The following PCDH7 variants were observed in gnomAD, a reference collection of about 807,000 sequenced individuals.
The protein encoded by PCDH7 is protocadherin-7.
In PCDH7, 17 loss-of-function variants were observed where a neutral mutation model predicts 58.9. The ratio of observed to expected loss-of-function variants is 0.29; its 90% CI spans 0.20 to 0.43. PCDH7 has a LOEUF of 0.43. PCDH7 is among the 20% of genes least tolerant of loss of function. PCDH7 has a pLI of 1.00. For synonymous variants in PCDH7, 664 were observed against 616.4 expected (o/e 1.08, Z -1.14); for missense variants, 1,274 against 1,441.0 (o/e 0.88, Z 1.88).
chr4:31,068,249 G>A (rs1758248682), intron 3 of PCDH7, among the ~76,000 whole-genome samples: 1 of 151,138 alleles, frequency 6.6e-6, no homozygotes, highest in Non-Finnish European at 1.5e-5. Context: ...GCATGGAGTA[G>A]ATGGGAAATC....
chr4:30,738,438 T>C (rs1716611536), intron 1 of PCDH7, among the ~76,000 whole-genome samples: 1 of 151,644 alleles, frequency 6.6e-6, no homozygotes, highest in Non-Finnish European at 1.5e-5. Flanking sequence ...TTGTGAAAAA[T>C]ATATGAATCT....
chr4:31,135,123 C>A lies in PCDH7; in HGVS notation c.*8-7350C>A, dbSNP rs555377444. 5.9e-5 allele frequency among the ~76,000 whole-genome samples: 9 copies of A among 152,152 alleles called. No individual in the cohort carries two copies. The East Asian group carries it at 1.7e-3, about 29-fold the overall frequency. ...ATGTATGGTGCATTTTAGGTATTTACCCTGTGTTTAGGTTGTCTTGTCCTG... is the reference window on the plus strand; with the variant it reads ...ATGTATGGTGCATTTTAGGTATTTAACCTGTGTTTAGGTTGTCTTGTCCTG... On this transcript the variant is annotated intron_variant, in intron 3 of 3. Transcript: ENST00000509759.
downstream of PCDH7, among the ~76,000 whole-genome samples, chr4:30,736,333 A>G (rs905383136): frequency 1.3e-4 from 20 of 152,282 alleles, no homozygotes; most frequent in African/African-American, 4.1e-4. Context: ...GAGAGATAAT[A>G]TATTTCATTT....
chr4:31,139,077 T>C (rs1209228748), intron 3 of PCDH7, among the ~76,000 whole-genome samples: 1 of 152,134 alleles, frequency 6.6e-6, no homozygotes, highest in Non-Finnish European at 1.5e-5. Flanking sequence ...GCAATGATTC[T>C]AGTAAATAGC....
intron 1 of PCDH7, among the ~76,000 whole-genome samples, chr4:30,841,129 C>G (rs1731161864): frequency 6.6e-6 from 1 of 152,014 alleles, no homozygotes. Flanking sequence ...CTAATGTACT[C>G]TGTAAAAGAA....
At chr4:31,064,365 A>G (rs1363442638) in intron 3 of PCDH7, among the ~76,000 whole-genome samples, 4 of 151,946 alleles carry the variant, frequency 2.6e-5, no homozygotes, top group African/African-American at 9.7e-5. Context: ...GTATACATGG[A>G]GTAAGTTCTC....
At chr4:31,129,628 G>C (rs894488298) in intron 3 of PCDH7, among the ~76,000 whole-genome samples, 1 of 151,694 alleles carries the variant, frequency 6.6e-6, no homozygotes, top group Non-Finnish European at 1.5e-5. Flanking sequence ...TTTAAATTTT[G>C]TTATTATTAT....
intron 3 of PCDH7, among the ~76,000 whole-genome samples, chr4:31,139,162 C>A (rs937511210): frequency 3.3e-5 from 5 of 152,022 alleles, no homozygotes; most frequent in Non-Finnish European, 5.9e-5. Context: ...CATTTTTTTA[C>A]TTCCAGTCTT....
chr4:30,802,940 T>C (rs1242395197), intron 1 of PCDH7, among the ~76,000 whole-genome samples: 1 of 152,126 alleles, frequency 6.6e-6, no homozygotes, highest in Non-Finnish European at 1.5e-5. Context: ...ATGGTAGGAC[T>C]GATTTGGTAA....
intron 1 of PCDH7, among the ~76,000 whole-genome samples, chr4:30,766,354 G>C (rs548234069): frequency 6.6e-6 from 1 of 151,860 alleles, no homozygotes; most frequent in Non-Finnish European, 1.5e-5. Context: ...ACACAAGAAG[G>C]CTCCATCTAA....
At chr4:31,114,034 A>G (rs1265365811) in intron 3 of PCDH7, among the ~76,000 whole-genome samples, 3 of 151,914 alleles carry the variant, frequency 2.0e-5, no homozygotes, top group Non-Finnish European at 4.4e-5. Context: ...GGGTTTCACC[A>G]TGTTGGCCAG....
intron 1 of PCDH7, among the ~76,000 whole-genome samples, chr4:30,752,871 C>T (rs1718755305): frequency 6.6e-6 from 1 of 151,134 alleles, no homozygotes; most frequent in Non-Finnish European, 1.5e-5. Flanking sequence ...TAAAGATCAG[C>T]CCCACATATA....
intron 1 of PCDH7, among the ~76,000 whole-genome samples, chr4:30,836,701 T>C (rs1730527306): frequency 6.6e-6 from 1 of 152,088 alleles, no homozygotes; most frequent in East Asian, 1.9e-4. Flanking sequence ...TAAAAACCTG[T>C]AGCCTGGAGG....
intron 1 of PCDH7, among the ~76,000 whole-genome samples, chr4:30,799,454 G>A (rs1298925616): frequency 6.6e-6 from 1 of 152,102 alleles, no homozygotes. Flanking sequence ...GTTAACCCAT[G>A]GTTCTCTAGA....
downstream of PCDH7, among the ~76,000 whole-genome samples, chr4:30,736,816 G>A (rs1689707739): frequency 6.6e-6 from 1 of 152,090 alleles, no homozygotes; most frequent in Non-Finnish European, 1.5e-5. Flanking sequence ...GATTACAGGC[G>A]TGAGCCACCG....
At chr4:30,752,856 A>G (rs917495404) in intron 1 of PCDH7, among the ~76,000 whole-genome samples, 18 of 151,746 alleles carry the variant, frequency 1.2e-4, no homozygotes, top group African/African-American at 4.3e-4. Context: ...GACAGATTTT[A>G]TAACTAAAGA....
At chr4:30,942,576 G>A (rs532218460) in intron 2 of PCDH7, among the ~76,000 whole-genome samples, 22 of 152,108 alleles carry the variant, frequency 1.4e-4, no homozygotes, top group African/African-American at 5.1e-4. Flanking sequence ...ATGGCATGAT[G>A]ATGGTGCATT....
At chr4:30,863,185 T>G (rs762192172) in intron 1 of PCDH7, among the ~76,000 whole-genome samples, 1 of 152,126 alleles carries the variant, frequency 6.6e-6, no homozygotes, top group Non-Finnish European at 1.5e-5. Flanking sequence ...TTGAAAATAT[T>G]ATGGAATGAA....
intron 3 of PCDH7, among the ~76,000 whole-genome samples, chr4:31,031,395 T>C (rs917161282): frequency 6.6e-6 from 1 of 152,090 alleles, no homozygotes; most frequent in African/African-American, 2.4e-5. Flanking sequence ...GATCTTGGAA[T>C]AAAGAATCAT....
Sources: gnomAD v4.1 joint callset for allele counts (sites outside exome capture counted in the v4.1 genomes callset) on GRCh38, gnomAD v4.1.1 for gene constraint, MANE v1.5 for transcripts, NCBI Gene and HGNC (gene_info 2026-07-23, HGNC 2026-07-21) for gene names.